ABCC9: variants seen among roughly 807,000 people sequenced by gnomAD.
ABCC9 encodes ATP binding cassette subfamily C member 9, also known as ATP-binding cassette sub-family C member 9.
A neutral mutation model predicts 188.3 loss-of-function variants in ABCC9; 95 were observed. That is an observed-to-expected ratio of 0.50 (90% CI 0.43 to 0.60). ABCC9 has a LOEUF of 0.60. ABCC9 is among the 20% of genes least tolerant of loss of function. ABCC9 has a pLI of 0.00. For missense variants in ABCC9, 1,102 were observed against 1,876.3 expected, an observed-to-expected ratio of 0.59 and a Z score of 7.62; for synonymous variants, 659 against 652.7, an observed-to-expected ratio of 1.01 and a Z score of -0.15.
At position 21,807,382 on chromosome 12, in the gene ABCC9, A is replaced by T. The variant is rs1424709009; in HGVS notation, c.4413T>A (p.Ile1471=). The change falls in exon 38 of 40, where the codon ATT becomes ATA. Residue 1471 remains isoleucine (I), a synonymous_variant. Coordinates refer to ENST00000261200, the MANE Select transcript of ABCC9 (RefSeq NM_020297.4). The part of the protein sequence containing the change: ...RAFVRKSSIL[I]MDEATASIDM... ...CAATGGAAGCTGTTGCCTCATCCAT[A>T]ATAAGAATGCTGCTTTTGCGGACAA... 6.2e-7 allele frequency: 1 copy of T among 1,614,000 alleles called. No individual in the cohort carries two copies. The highest frequency in any genetic ancestry group is 1.7e-5 in the Admixed American group (1 of 59,998).
intron 12 of ABCC9, among the ~76,000 whole-genome samples, chr12:21,904,247 C>A (rs1565467774): frequency 6.6e-6 from 1 of 152,146 alleles, no homozygotes; most frequent in African/African-American, 2.4e-5. Context: ...GAAACTGGAT[C>A]CCTTCTTTAC....
intron 29 of ABCC9, 144 bp from the exon 30 acceptor site, chr12:21,838,314 C>G (rs1045754127): frequency 1.4e-6 from 1 of 693,640 alleles, no homozygotes; most frequent in African/African-American, 1.8e-5. Flanking sequence ...TTAACAAAAA[C>G]TTCAACAGCT....
At chr12:21,915,337 A>T (rs1205032047) in intron 7 of ABCC9, among the ~76,000 whole-genome samples, 2 of 138,236 alleles carry the variant, frequency 1.4e-5, no homozygotes, top group Non-Finnish European at 3.1e-5. Flanking sequence ...GTGTATATAT[A>T]GACATGTGTA....
At chr12:21,837,426 C>T (rs912877850) in intron 30 of ABCC9, among the ~76,000 whole-genome samples, 1 of 152,056 alleles carries the variant, frequency 6.6e-6, no homozygotes. Context: ...ATTAGGATTT[C>T]AGAACGTTAT....
rs765667189 is a variant in ABCC9 at position 21,872,702 on chromosome 12, T to C, written c.2121A>G (p.Val707=). The C allele has an allele frequency of 1.2e-6, 2 of 1,613,836 alleles. No individual in the cohort carries two copies. The highest frequency in any genetic ancestry group is 2.7e-5 in the African/African-American group (2 of 75,042). ...TGQLTMIVGQ[V]GCGKSSLLLA... is the part of the protein sequence containing the mutation. ...GGAGAAGAGAGGACTTCCCACATCC[T>C]ACTTGGCCCACAATCATGGTTAACT... The change falls in exon 18 of 40, where the codon GTA becomes GTG. Residue 707 remains valine, a synonymous_variant. Coordinates refer to ENST00000261200, the MANE Select transcript of ABCC9 (RefSeq NM_020297.4).
At chr12:21,940,487 GCTATAA>G in intron 2 of ABCC9, among the ~76,000 whole-genome samples, 1 of 152,278 alleles carries the variant, frequency 6.6e-6, no homozygotes, top group Non-Finnish European at 1.5e-5. Context: ...AGCTACCATG[GCTATAA>G]CTATGACAGA....
intron 5 of ABCC9, among the ~76,000 whole-genome samples, chr12:21,921,024 A>G (rs1037005022): frequency 1.3e-5 from 2 of 152,056 alleles, no homozygotes; most frequent in African/African-American, 2.4e-5. Flanking sequence ...CAGTGTTGCA[A>G]TAAACATGGG....
chr12:21,929,521 A>C (rs748075513), intron 4 of ABCC9, among the ~76,000 whole-genome samples: 10 of 152,168 alleles, frequency 6.6e-5, no homozygotes, highest in Admixed American at 1.3e-4. Context: ...CTGTTTTTCT[A>C]ATTGTAATGA....
Position 21,915,881 on chromosome 12 carries a change from T to A in ABCC9, c.603A>T (p.Lys201Asn). 1 of 1,613,114 alleles carries A rather than the reference T, an allele frequency of 6.2e-7. No individual in the cohort carries two copies. Among genetic ancestry groups the A allele is most frequent in the South Asian group, 1.1e-5 (1 of 91,058 alleles). ...RRYVFFMNPQ[K>N]VKPPEDLQDL... is the part of the protein sequence containing the mutation. ...CCTGGAGGTCTTCAGGAGGCTTTAC[T>A]TTCTGAGGATTCATGAAAAATACAT... Residue 201 changes from lysine (K) to asparagine (N), a missense_variant, in exon 7 of 40, where the codon AAA becomes AAT. Coordinates refer to ENST00000261200, the MANE Select transcript of ABCC9 (RefSeq NM_020297.4).
intron 7 of ABCC9, among the ~76,000 whole-genome samples, 154 bp downstream of exon 7, chr12:21,915,514 A>ATATATATATATATATATTTTTTT: frequency 2.8e-4 from 1 of 3,520 alleles, no homozygotes; most frequent in Non-Finnish European, 4.7e-4. Context: ...ATATATATAT[A>ATATATATATATATATATTTTTTT]TTTTTTTTTT....
intron 39 of ABCC9, among the ~76,000 whole-genome samples, chr12:21,802,328 G>C (rs1330170538): frequency 1.3e-5 from 2 of 152,080 alleles, no homozygotes. Flanking sequence ...TTATAAATTA[G>C]AAAGGAAAGA....
chr12:21,818,271 A>T lies in ABCC9; in HGVS notation c.3670-20T>A. 6.2e-7 allele frequency: 1 copy of T among 1,602,824 alleles called. No homozygotes were observed. The highest frequency in any genetic ancestry group is 8.5e-7 in the Non-Finnish European group (1 of 1,170,032). On this transcript the variant is annotated intron_variant, in intron 31 of 39. Coordinates refer to ENST00000261200, the MANE Select transcript of ABCC9 (RefSeq NM_020297.4). The stretch of plus-strand genomic sequence containing the variant: ...ATAATCCTTTGAAAAAGCAAGAGAA[A>T]ATGTTAAAAGGTTACTCCCAAGTTC...
At chr12:21,874,568 T>C (rs747127217) in intron 17 of ABCC9, among the ~76,000 whole-genome samples, 2 of 152,186 alleles carry the variant, frequency 1.3e-5, no homozygotes, top group African/African-American at 4.8e-5. Context: ...CCCATCTTCA[T>C]TGTAGCATCA....
intron 16 of ABCC9, among the ~76,000 whole-genome samples, chr12:21,882,115 G>A (rs549171055): frequency 3.0e-4 from 45 of 152,282 alleles, no homozygotes; most frequent in Admixed American, 2.7e-3. Flanking sequence ...GGCTGTGCAG[G>A]AGAATTGGAT....
At chr12:21,885,578 C>A (rs901501978) in intron 15 of ABCC9, among the ~76,000 whole-genome samples, 1 of 152,038 alleles carries the variant, frequency 6.6e-6, no homozygotes, top group African/African-American at 2.4e-5. Flanking sequence ...CCAAGAGTGA[C>A]GAGACTGGTT....
chr12:21,921,724 A>C (rs1336056893), intron 5 of ABCC9, among the ~76,000 whole-genome samples: 3 of 152,034 alleles, frequency 2.0e-5, no homozygotes, highest in Admixed American at 1.3e-4. Context: ...TTAAGTCTTT[A>C]ATCCATTTTG....
At chr12:21,935,113 C>T (rs1343093455) in intron 3 of ABCC9, among the ~76,000 whole-genome samples, 1 of 152,076 alleles carries the variant, frequency 6.6e-6, no homozygotes, top group South Asian at 2.1e-4. Context: ...TATTCAAATA[C>T]CCTGGTGCCA....
intron 39 of ABCC9, among the ~76,000 whole-genome samples, chr12:21,802,365 T>C (rs1448590349): frequency 2.0e-5 from 3 of 152,016 alleles, no homozygotes; most frequent in Non-Finnish European, 4.4e-5. Context: ...TTACTCTTGC[T>C]AAGATCAGTA....
intron 39 of ABCC9, among the ~76,000 whole-genome samples, chr12:21,803,061 A>T (rs1286420859): frequency 6.6e-6 from 1 of 151,896 alleles, no homozygotes; most frequent in Non-Finnish European, 1.5e-5. Flanking sequence ...TAATCATGTC[A>T]AAGACCACGA....
Sources: allele counts gnomAD v4.1 joint callset (sites outside exome capture counted in the v4.1 genomes callset), GRCh38; gene constraint gnomAD v4.1.1; transcripts MANE v1.5; gene names NCBI Gene and HGNC (gene_info 2026-07-23, HGNC 2026-07-21).